Variants in PLA2G4A observed in about 807,000 individuals in gnomAD.
The protein encoded by PLA2G4A is phospholipase A2 group IVA.
In PLA2G4A, 40 loss-of-function variants were observed where a neutral mutation model predicts 81.9. The observed-to-expected ratio is 0.49, with a 90% CI of 0.38 to 0.64. The LOEUF (loss-of-function observed/expected upper bound fraction) is 0.64. PLA2G4A is among the 30% of genes least tolerant of loss of function. The pLI, the probability that PLA2G4A is intolerant of heterozygous loss-of-function variation, is 0.00. For synonymous variants in PLA2G4A, 302 were observed against 296.9 expected (o/e 1.02, Z -0.18); for missense variants, 715 against 905.1 (o/e 0.79, Z 2.69).
chr1:186,976,558 G>A lies in PLA2G4A; in HGVS notation c.1765-1035G>A, dbSNP rs189482302. Among the ~76,000 whole-genome samples the A allele has an allele frequency of 2.0e-3, 312 of 152,268 alleles. 4 individuals carry two copies. Among genetic ancestry groups the A allele is most frequent in the African/African-American group, 7.2e-3 (299 of 41,542 alleles). The stretch of plus-strand genomic sequence containing the variant: ...TATATCATCCACATTTTAAATCTGA[G>A]ATGGAAACATTGACTTAAGAAACAT... On this transcript the variant is annotated intron_variant, in intron 15 of 17. Transcript: ENST00000367466.
At chr1:186,956,477 AG>A (rs1316587304) in intron 14 of PLA2G4A, 133 bp downstream of exon 14, 1 of 896,452 alleles carries the variant, frequency 1.1e-6, no homozygotes, top group East Asian at 2.4e-5. Context: ...TAATGTGTGA[AG>A]GGCTTCAAAT....
At chr1:186,926,040 G>A (rs1198088906) in intron 7 of PLA2G4A, among the ~76,000 whole-genome samples, 4 of 152,210 alleles carry the variant, frequency 2.6e-5, no homozygotes, top group Admixed American at 2.6e-4. Context: ...ACGAGTATCA[G>A]GTTGCTAGGG....
At chr1:186,909,970 A>C (rs978952581) in intron 6 of PLA2G4A, among the ~76,000 whole-genome samples, 2 of 152,130 alleles carry the variant, frequency 1.3e-5, no homozygotes, top group Admixed American at 6.5e-5. Context: ...GATGCATGAG[A>C]ATATTAGTGT....
intron 2 of PLA2G4A, among the ~76,000 whole-genome samples, chr1:186,864,904 C>A (rs979694495): frequency 2.7e-5 from 4 of 150,252 alleles, no homozygotes; most frequent in African/African-American, 7.3e-5. Flanking sequence ...ACTAGCCTGG[C>A]AAGCAAGGCA....
At chr1:186,831,444 AC>A (rs1483867200) in intron 1 of PLA2G4A, among the ~76,000 whole-genome samples, 6 of 152,194 alleles carry the variant, frequency 3.9e-5, no homozygotes, top group African/African-American at 1.2e-4. Context: ...AATTAACTGT[AC>A]AATATTACGC....
intron 2 of PLA2G4A, among the ~76,000 whole-genome samples, chr1:186,854,712 G>A (rs773940580): frequency 2.0e-5 from 3 of 151,864 alleles, no homozygotes; most frequent in Non-Finnish European, 2.9e-5. Context: ...ATGAGTTGGT[G>A]GAAAGAAGAA....
intron 7 of PLA2G4A, among the ~76,000 whole-genome samples, chr1:186,925,172 C>T (rs1321123212): frequency 6.6e-6 from 1 of 152,184 alleles, no homozygotes; most frequent in East Asian, 1.9e-4. Flanking sequence ...ACCTAAATAT[C>T]TACAAACTTA....
chr1:186,908,295 C>T (rs1442402029), intron 6 of PLA2G4A, among the ~76,000 whole-genome samples: 1 of 151,980 alleles, frequency 6.6e-6, no homozygotes, highest in Non-Finnish European at 1.5e-5. Flanking sequence ...ATCCTTAAAA[C>T]ATCTAGGTCA....
At chr1:186,861,127 C>T (rs1003095962) in intron 2 of PLA2G4A, among the ~76,000 whole-genome samples, 1 of 152,182 alleles carries the variant, frequency 6.6e-6, no homozygotes, top group Non-Finnish European at 1.5e-5. Context: ...CCTGGGGACA[C>T]TAGCAGTTTG....
intron 5 of PLA2G4A, among the ~76,000 whole-genome samples, chr1:186,894,661 G>A (rs1009746179): frequency 2.6e-5 from 4 of 152,126 alleles, no homozygotes; most frequent in Admixed American, 6.5e-5. Context: ...ATCTCTCTGG[G>A]GGAATATTTC....
intron 5 of PLA2G4A, among the ~76,000 whole-genome samples, chr1:186,901,808 T>A (rs1654548880): frequency 6.6e-6 from 1 of 152,144 alleles, no homozygotes; most frequent in South Asian, 2.1e-4. Flanking sequence ...TAAAAGTCTT[T>A]CAAGTCTGTT....
chr1:186,939,757 TA>T (rs1656083136), intron 9 of PLA2G4A, among the ~76,000 whole-genome samples: 1 of 152,206 alleles, frequency 6.6e-6, no homozygotes, highest in African/African-American at 2.4e-5. Context: ...AGTTCAGATG[TA>T]GACATATAAT....
intron 3 of PLA2G4A, among the ~76,000 whole-genome samples, chr1:186,889,947 T>C (rs1654076548): frequency 6.6e-6 from 1 of 152,204 alleles, no homozygotes; most frequent in Admixed American, 6.5e-5. Flanking sequence ...TGACCCAGGT[T>C]CAAGAACTTG....
chr1:186,835,016 C>T (rs745514269), intron 1 of PLA2G4A, among the ~76,000 whole-genome samples: 11 of 152,150 alleles, frequency 7.2e-5, no homozygotes, highest in Non-Finnish European at 8.8e-5. Flanking sequence ...ATTAGTTATA[C>T]GCTTGACTTA....
At chr1:186,915,013 A>G (rs916440193) in intron 7 of PLA2G4A, among the ~76,000 whole-genome samples, 6 of 152,172 alleles carry the variant, frequency 3.9e-5, no homozygotes, top group Admixed American at 3.3e-4. Context: ...CAGGTAGCAA[A>G]CAAGGGAGCA....
chr1:186,848,527 T>A (rs1652265748), intron 1 of PLA2G4A, among the ~76,000 whole-genome samples: 1 of 152,178 alleles, frequency 6.6e-6, no homozygotes, highest in African/African-American at 2.4e-5. Context: ...TCTTTTTCTC[T>A]TTTCCTTTTT....
intron 14 of PLA2G4A, among the ~76,000 whole-genome samples, chr1:186,957,971 T>A (rs1224007385): frequency 3.3e-5 from 5 of 152,216 alleles, no homozygotes; most frequent in East Asian, 1.9e-4. Flanking sequence ...TTCCAAAAAA[T>A]TTTTCTACTG....
At chr1:186,892,619 G>T (rs1338770264) in intron 3 of PLA2G4A, among the ~76,000 whole-genome samples, 3 of 152,102 alleles carry the variant, frequency 2.0e-5, no homozygotes, top group Admixed American at 6.5e-5. Flanking sequence ...CTGTGCATTT[G>T]TCTCTAGCTT....
chr1:186,964,906 G>A (rs1657080210), intron 14 of PLA2G4A, among the ~76,000 whole-genome samples: 1 of 152,168 alleles, frequency 6.6e-6, no homozygotes, highest in South Asian at 2.1e-4. Flanking sequence ...TCACCCTCAA[G>A]AGAGGCAGCC....
Sources: allele counts gnomAD v4.1 joint callset (sites outside exome capture counted in the v4.1 genomes callset), GRCh38; gene constraint gnomAD v4.1.1; transcripts MANE v1.5; gene names NCBI Gene and HGNC (gene_info 2026-07-23, HGNC 2026-07-21).